ANKRD31: variants seen among roughly 807,000 people sequenced by gnomAD.
The protein encoded by ANKRD31 is ankyrin repeat domain 31, also known as ankyrin repeat domain-containing protein 31.
ANKRD31 carries 147 observed loss-of-function variants against 186.0 expected under a neutral mutation model. That is an observed-to-expected ratio of 0.79 (90% CI 0.69 to 0.91). The LOEUF is 0.91. Among genes scored for constraint, ANKRD31 ranks in the 40% least tolerant of loss-of-function variants. The pLI is 0.00. For missense variants in ANKRD31, 1,986 were observed against 2,148.8 expected, an observed-to-expected ratio of 0.92 and a Z score of 1.50; for synonymous variants, 673 against 736.4, an observed-to-expected ratio of 0.91 and a Z score of 1.39.
Position 75,146,456 on chromosome 5 carries a change from A to G in ANKRD31, c.2955T>C (p.His985=). The G allele has an allele frequency of 2.6e-6, 4 of 1,536,504 alleles. No homozygotes were observed. Among genetic ancestry groups the G allele is most frequent in the Non-Finnish European group, 3.5e-6 (4 of 1,146,468 alleles). Residue 985 remains histidine (H), a synonymous_variant, in exon 14 of 26, where the codon CAT becomes CAC. Coordinates refer to ENST00000506364, the MANE Select transcript of ANKRD31 (RefSeq NM_001372053.1). The part of the protein sequence containing the change: ...SYSDNAVISE[H]VANYEQCIFG... ...ATATGCATTGTTCATAATTTGCAACATGTTCAGAAATAACTGCATTATCTG... is the reference window on the plus strand; with the variant it reads ...ATATGCATTGTTCATAATTTGCAACGTGTTCAGAAATAACTGCATTATCTG...
At chr5:75,070,036 T>G (rs1316914578) in intron 25 of ANKRD31, among the ~76,000 whole-genome samples, 3 of 152,184 alleles carry the variant, frequency 2.0e-5, no homozygotes, top group Non-Finnish European at 4.4e-5. Context: ...TGGTCTTTCA[T>G]GTAAATGAGT....
Position 75,104,519 on chromosome 5 carries a change from AC to A in ANKRD31, c.5039del (p.Ser1680IlefsTer21). The A allele has an allele frequency of 2.0e-6, 3 of 1,537,096 alleles. No homozygotes were observed. The South Asian group carries it at 3.6e-5, about 18-fold the overall frequency. ...YDPKRGNRKT[S>X]SQQSPTGASE... ...ATGCCCCTGTAGGTGATTGCTGGGAACTTGTTTTTCTGTTTCCTCTTTTGGG... is the reference window on the plus strand; with the variant it reads ...ATGCCCCTGTAGGTGATTGCTGGGAATTGTTTTTCTGTTTCCTCTTTTGGG... On this transcript the variant is annotated frameshift_variant, in exon 22 of 26. Transcript: ENST00000506364. LOFTEE classifies it high-confidence loss of function.
At chr5:75,102,929 A>G (rs2150053951) in intron 22 of ANKRD31, among the ~76,000 whole-genome samples, 1 of 152,242 alleles carries the variant, frequency 6.6e-6, no homozygotes, top group Non-Finnish European at 1.5e-5. Context: ...TGTGGGCTGC[A>G]CGCACTGTCC....
At chr5:75,116,391 C>G (rs1053797001) in intron 19 of ANKRD31, among the ~76,000 whole-genome samples, 175 bp downstream of exon 19, 4 of 151,080 alleles carry the variant, frequency 2.6e-5, no homozygotes, top group African/African-American at 2.4e-5. Context: ...CACATGTACC[C>G]TAAAACTTAA....
At position 75,084,366 on chromosome 5, in the gene ANKRD31, A is replaced by G; in HGVS notation, c.5481T>C (p.Tyr1827=). The G allele has an allele frequency of 1.3e-6, 2 of 1,536,746 alleles. No homozygotes were observed. Among genetic ancestry groups the G allele is most frequent in the Non-Finnish European group, 1.7e-6 (2 of 1,146,528 alleles). The change falls in exon 24 of 26, where the codon TAT becomes TAC. Residue 1827 remains tyrosine (Y), a synonymous_variant. Coordinates refer to ENST00000506364, the MANE Select transcript of ANKRD31 (RefSeq NM_001372053.1). Reference sequence around the variant, plus strand: ...CATACCTTAAAAGCTCCTTCCCAAGATACGTTACCTGCACATAATTAAGCA... The same window carrying G: ...CATACCTTAAAAGCTCCTTCCCAAGGTACGTTACCTGCACATAATTAAGCA... ...TWNYAWSKVT[Y]LGKELLRYVS...
chr5:75,114,011 T>C (rs1013642143), intron 19 of ANKRD31, among the ~76,000 whole-genome samples: 7 of 152,200 alleles, frequency 4.6e-5, no homozygotes, highest in African/African-American at 1.7e-4. Context: ...AAGACTTATC[T>C]AAAACAAGGT....
chr5:75,152,438 T>C (rs1561482162), intron 12 of ANKRD31, among the ~76,000 whole-genome samples: 4 of 152,038 alleles, frequency 2.6e-5, no homozygotes, highest in Admixed American at 2.6e-4. Flanking sequence ...GATTAAACTT[T>C]CCTGCACACA....
chr5:75,160,953 TATAAGTCC>T (rs1178568045), intron 11 of ANKRD31, among the ~76,000 whole-genome samples: 1 of 152,206 alleles, frequency 6.6e-6, no homozygotes, highest in Non-Finnish European at 1.5e-5. Flanking sequence ...CACATGGAAC[TATAAGTCC>T]ATTAAACCTC....
intron 11 of ANKRD31, among the ~76,000 whole-genome samples, chr5:75,157,896 T>C (rs1398418242): frequency 2.0e-5 from 3 of 152,170 alleles, no homozygotes; most frequent in Non-Finnish European, 4.4e-5. Context: ...CACCTGCAAA[T>C]GTATGCTACC....
chr5:75,113,382 AT>A (rs1049667679), intron 19 of ANKRD31, among the ~76,000 whole-genome samples: 4 of 152,196 alleles, frequency 2.6e-5, no homozygotes. Context: ...ATCCATGCTG[AT>A]TTCCTTTTTC....
At chr5:75,129,156 A>G (rs1025425702) in intron 17 of ANKRD31, among the ~76,000 whole-genome samples, 38 of 152,186 alleles carry the variant, frequency 2.5e-4, no homozygotes, top group African/African-American at 9.1e-4. Context: ...AGTGTGTAGC[A>G]TCACCCCCTT....
At chr5:75,200,297 C>CTTTTTTTT (rs373390533) in intron 5 of ANKRD31, among the ~76,000 whole-genome samples, 1 of 144,090 alleles carries the variant, frequency 6.9e-6, no homozygotes. Flanking sequence ...TTCTTTCTTT[C>CTTTTTTTT]TTTTTTTTTT....
At chr5:75,113,442 T>C (rs891656628) in intron 19 of ANKRD31, among the ~76,000 whole-genome samples, 2 of 152,200 alleles carry the variant, frequency 1.3e-5, no homozygotes, top group Non-Finnish European at 2.9e-5. Flanking sequence ...AACATAATAA[T>C]GTCTTGTACA....
intron 9 of ANKRD31, among the ~76,000 whole-genome samples, chr5:75,191,564 C>T (rs1185306314): frequency 1.3e-5 from 2 of 151,922 alleles, no homozygotes; most frequent in African/African-American, 2.4e-5. Context: ...TAAAACAGTA[C>T]AAAATAAAAC....
At chr5:75,116,790 T>C in intron 18 of ANKRD31, 109 bp from the exon 19 acceptor site, 1 of 502,768 alleles carries the variant, frequency 2.0e-6, no homozygotes, top group Non-Finnish European at 3.2e-6. Flanking sequence ...CTGCAACTAT[T>C]ATAATATCTT....
chr5:75,188,043 C>A (rs1442065687), intron 10 of ANKRD31, among the ~76,000 whole-genome samples: 1 of 152,138 alleles, frequency 6.6e-6, no homozygotes, highest in African/African-American at 2.4e-5. Flanking sequence ...CTGTCCCAAC[C>A]TCTGTACTTC....
At chr5:75,173,959 T>C (rs556574081) in intron 10 of ANKRD31, among the ~76,000 whole-genome samples, 10 of 152,068 alleles carry the variant, frequency 6.6e-5, no homozygotes, top group African/African-American at 9.7e-5. Context: ...GGAGGCATCA[T>C]GCTACCTGAC....
At chr5:75,157,749 T>G (rs1752284447) in intron 11 of ANKRD31, among the ~76,000 whole-genome samples, 1 of 152,210 alleles carries the variant, frequency 6.6e-6, no homozygotes, top group Non-Finnish European at 1.5e-5. Flanking sequence ...CATGAATCCC[T>G]GTGACACACG....
intron 2 of ANKRD31, among the ~76,000 whole-genome samples, chr5:75,227,849 C>T (rs1757722995): frequency 1.3e-5 from 2 of 152,158 alleles, no homozygotes; most frequent in Admixed American, 1.3e-4. Flanking sequence ...CCTGTCTGAT[C>T]AGCAGCAGCA....
Sources: gnomAD v4.1 joint callset for allele counts (sites outside exome capture counted in the v4.1 genomes callset) on GRCh38, gnomAD v4.1.1 for gene constraint, MANE v1.5 for transcripts, NCBI Gene and HGNC (gene_info 2026-07-23, HGNC 2026-07-21) for gene names.